CNTNAP2: variants seen among roughly 807,000 people sequenced by gnomAD.
CNTNAP2 encodes contactin associated protein 2.
CNTNAP2 carries 98 observed loss-of-function variants against 155.2 expected under a neutral mutation model. The ratio of observed to expected loss-of-function variants is 0.63; its 90% CI spans 0.54 to 0.75. The LOEUF is 0.75. CNTNAP2 is among the 30% of genes least tolerant of loss of function. The probability of loss-of-function intolerance (pLI) is 0.00; values close to 1 mark genes in which losing one functional copy is unlikely to be tolerated. For missense variants in CNTNAP2, 1,727 were observed against 1,688.1 expected (o/e 1.02, Z -0.40); for synonymous variants, 651 against 631.2 (o/e 1.03, Z -0.47).
intron 4 of CNTNAP2, among the ~76,000 whole-genome samples, chr7:147,097,189 C>T (rs1420740619): frequency 7.2e-5 from 11 of 152,064 alleles, no homozygotes; most frequent in African/African-American, 2.7e-4. Flanking sequence ...GACATTTTTT[C>T]CTAATCACCT....
chr7:146,884,868 C>T (rs1489704725), intron 3 of CNTNAP2, among the ~76,000 whole-genome samples: 2 of 152,076 alleles, frequency 1.3e-5, no homozygotes, highest in South Asian at 4.2e-4. Flanking sequence ...AACTTGTAGA[C>T]AAAATTATAA....
chr7:146,734,045 C>A (rs1022676777), intron 1 of CNTNAP2, among the ~76,000 whole-genome samples: 1 of 151,990 alleles, frequency 6.6e-6, no homozygotes, highest in African/African-American at 2.4e-5. Flanking sequence ...AACTGGTGTT[C>A]CCTTGCTTAA....
chr7:148,059,386 G>A (rs751043867), intron 15 of CNTNAP2, among the ~76,000 whole-genome samples: 30 of 152,076 alleles, frequency 2.0e-4, no homozygotes, highest in Non-Finnish European at 3.4e-4. Context: ...GAGGTCAGGA[G>A]TTCGAGACCA....
intron 22 of CNTNAP2, among the ~76,000 whole-genome samples, chr7:148,399,313 T>A (rs563175598): frequency 7.1e-4 from 107 of 151,082 alleles, no homozygotes; most frequent in Non-Finnish European, 1.2e-3. Context: ...ACAGTATTTT[T>A]AAAAATACGT....
intron 1 of CNTNAP2, among the ~76,000 whole-genome samples, chr7:146,650,683 G>A (rs1352921794): frequency 6.6e-6 from 1 of 151,968 alleles, no homozygotes; most frequent in African/African-American, 2.4e-5. Context: ...AGAACTTAAA[G>A]TATAATAAAG....
chr7:146,799,935 T>C (rs538805156), intron 2 of CNTNAP2, among the ~76,000 whole-genome samples: 1 of 152,102 alleles, frequency 6.6e-6, no homozygotes, highest in African/African-American at 2.4e-5. Flanking sequence ...TATGAAAGAT[T>C]GGTTATGGGA....
chr7:147,124,763 A>G (rs951513830), intron 6 of CNTNAP2, among the ~76,000 whole-genome samples: 1 of 152,040 alleles, frequency 6.6e-6, no homozygotes, highest in African/African-American at 2.4e-5. Context: ...CAGCACTGCT[A>G]GCGTAAATTA....
At chr7:147,795,822 G>A (rs1319353811) in intron 13 of CNTNAP2, among the ~76,000 whole-genome samples, 1 of 152,120 alleles carries the variant, frequency 6.6e-6, no homozygotes, top group Non-Finnish European at 1.5e-5. Context: ...TGAGAGGGTT[G>A]AATTTGATTT....
At chr7:148,127,382 T>C (rs1251875694) in intron 16 of CNTNAP2, among the ~76,000 whole-genome samples, 3 of 152,136 alleles carry the variant, frequency 2.0e-5, no homozygotes, top group African/African-American at 7.2e-5. Context: ...TAGGTAACAT[T>C]CAGGAAAAGC....
intron 22 of CNTNAP2, among the ~76,000 whole-genome samples, chr7:148,398,458 T>C (rs946107598): frequency 6.6e-6 from 1 of 152,226 alleles, no homozygotes; most frequent in Non-Finnish European, 1.5e-5. Flanking sequence ...ATTTAATTAT[T>C]CACTGAACTC....
chr7:146,933,198 C>T (rs1399054803), intron 3 of CNTNAP2, among the ~76,000 whole-genome samples: 1 of 151,732 alleles, frequency 6.6e-6, no homozygotes, highest in African/African-American at 2.4e-5. Flanking sequence ...TACTATAAGG[C>T]TACAGTAACC....
At chr7:148,169,822 TGG>T (rs1181574975) in intron 17 of CNTNAP2, among the ~76,000 whole-genome samples, 112 of 145,186 alleles carry the variant, frequency 7.7e-4, no homozygotes, top group South Asian at 1.5e-3. Flanking sequence ...TAGCTGGGTG[TGG>T]TGGCGTGTGC....
At chr7:146,760,837 C>T (rs1271185366) in intron 1 of CNTNAP2, among the ~76,000 whole-genome samples, 1 of 151,924 alleles carries the variant, frequency 6.6e-6, no homozygotes, top group East Asian at 1.9e-4. Context: ...ATAGATATAA[C>T]CATATCATAT....
intron 1 of CNTNAP2, among the ~76,000 whole-genome samples, chr7:146,336,063 G>T (rs1382326842): frequency 6.6e-6 from 1 of 151,930 alleles, no homozygotes; most frequent in Non-Finnish European, 1.5e-5. Context: ...GCCAGGTGTG[G>T]TGGCACATGC....
At chr7:146,227,428 C>CAAA (rs755623604) in intron 1 of CNTNAP2, among the ~76,000 whole-genome samples, 131 of 58,718 alleles carry the variant, frequency 2.2e-3, no homozygotes, top group African/African-American at 3.7e-3. Context: ...CTGTCTCAAA[C>CAAA]AAAAAAAAAA....
chr7:147,033,160 GTATATATATATATA>G lies in CNTNAP2; in HGVS notation c.403-10717_403-10704del, dbSNP rs3081742. Among the ~76,000 whole-genome samples the G allele has an allele frequency of 8.0e-3, 725 of 90,834 alleles. 7 individuals carry two copies. The highest frequency in any genetic ancestry group is 0.023 in the African/African-American group (566 of 24,230). 59.6% of individuals were successfully genotyped at this position (90,834 alleles called of 152,430 possible). A position where few individuals can be genotyped will look rare whatever the true frequency, so the allele number is the denominator to read the frequency against. ...AGGATATTGCTGCATATATATATAT[GTATATATATATATA>G]TATATATATATATATATATATATAT... On this transcript the variant is annotated intron_variant, in intron 3 of 23. Transcript: ENST00000361727.
At position 146,673,828 on chromosome 7, in the gene CNTNAP2, C is replaced by T. The variant is rs181241403; in HGVS notation, c.98-100443C>T. 2.3e-3 allele frequency among the ~76,000 whole-genome samples: 347 copies of T among 152,206 alleles called. 3 individuals are homozygous for T. The highest frequency in any genetic ancestry group is 8.2e-3 in the African/African-American group (342 of 41,552). ...AAAGTAGTGGCTTCAAGAGATCTTC[C>T]CACCCCAGCCTCCCAAAGTGCTGGG... On this transcript the variant is annotated intron_variant, in intron 1 of 23. Coordinates refer to ENST00000361727, the MANE Select transcript of CNTNAP2 (RefSeq NM_014141.6).
chr7:146,846,113 C>T (rs562895118), intron 3 of CNTNAP2, among the ~76,000 whole-genome samples: 4 of 152,082 alleles, frequency 2.6e-5, no homozygotes, highest in Non-Finnish European at 5.9e-5. Context: ...GGATGACAAC[C>T]ATCCTGTCGC....
At chr7:148,020,470 T>C (rs36041215) in intron 15 of CNTNAP2, among the ~76,000 whole-genome samples, 36,486 of 152,228 alleles carry the variant, frequency 0.24, 5,513 homozygotes, top group East Asian at 0.5. Context: ...TTGGTGAAGA[T>C]AAATGACTGA....
Sources: allele counts gnomAD v4.1 joint callset (sites outside exome capture counted in the v4.1 genomes callset), GRCh38; gene constraint gnomAD v4.1.1; transcripts MANE v1.5; gene names NCBI Gene and HGNC (gene_info 2026-07-23, HGNC 2026-07-21).